AGBL1: variants seen among roughly 807,000 people sequenced by gnomAD.
AGBL1 encodes the protein cytosolic carboxypeptidase 4.
AGBL1 carries 130 observed loss-of-function variants against 118.9 expected under a neutral mutation model. The ratio of observed to expected loss-of-function variants is 1.09; its 90% CI spans 0.95 to 1.26. The LOEUF (loss-of-function observed/expected upper bound fraction) is 1.26. Among genes scored for constraint, AGBL1 ranks in the 50% most tolerant of loss-of-function variants. The pLI is 0.00. For synonymous variants in AGBL1, 555 were observed against 478.9 expected (o/e 1.16, Z -2.08); for missense variants, 1,584 against 1,298.1 (o/e 1.22, Z -3.38).
intron 18 of AGBL1, among the ~76,000 whole-genome samples, chr15:86,409,346 C>G (rs1316622257): frequency 2.6e-5 from 4 of 152,132 alleles, no homozygotes; most frequent in African/African-American, 9.7e-5. Context: ...AAATTATTTG[C>G]TCTGGGAACT....
At chr15:86,777,286 A>C (rs112766485) in intron 22 of AGBL1, among the ~76,000 whole-genome samples, 31 of 152,178 alleles carry the variant, frequency 2.0e-4, no homozygotes, top group African/African-American at 7.0e-4. Context: ...ACATTTCGTT[A>C]ATATTTATAA....
At chr15:86,340,802 C>T (rs1223687356) in intron 17 of AGBL1, among the ~76,000 whole-genome samples, 1 of 152,170 alleles carries the variant, frequency 6.6e-6, no homozygotes, top group Non-Finnish European at 1.5e-5. Context: ...CACTAATCCT[C>T]TGATGATCCC....
intron 17 of AGBL1, among the ~76,000 whole-genome samples, chr15:86,348,068 C>T (rs949403777): frequency 5.9e-5 from 9 of 152,106 alleles, no homozygotes; most frequent in Non-Finnish European, 1.0e-4. Flanking sequence ...CCAATTCACC[C>T]CTACTTCTCT....
chr15:86,887,505 C>T (rs1225329116), intron 22 of AGBL1, among the ~76,000 whole-genome samples: 4 of 152,162 alleles, frequency 2.6e-5, no homozygotes, highest in Admixed American at 6.6e-5. Flanking sequence ...TTCTGCTATG[C>T]TTTCATTTTA....
At chr15:86,492,636 G>T (rs1261499086) in intron 18 of AGBL1, among the ~76,000 whole-genome samples, 7 of 151,576 alleles carry the variant, frequency 4.6e-5, no homozygotes, top group Admixed American at 3.9e-4. Flanking sequence ...GAAACTGTAG[G>T]ATATGCTAGG....
chr15:86,874,381 G>GACACACACACACACAC lies in AGBL1; in HGVS notation c.3159-32693_3159-32678dup, dbSNP rs58756904. Among the ~76,000 whole-genome samples the GACACACACACACACAC allele has an allele frequency of 1.9e-3, 289 of 149,012 alleles. 1 individual carries two copies. Among genetic ancestry groups the GACACACACACACACAC allele is most frequent in the East Asian group, 4.8e-3 (24 of 5,016 alleles). ...CCTGCCCCAAGATTGTTGTGGGTGGGACACACACACACACACACACACACA... is the reference window on the plus strand; with the variant it reads ...CCTGCCCCAAGATTGTTGTGGGTGGGACACACACACACACACACACACACACACACACACACACACA... On this transcript the variant is annotated intron_variant, in intron 22 of 22. Coordinates refer to ENST00000614907, the MANE Select transcript of AGBL1 (RefSeq NM_001386094.1).
chr15:86,681,883 A>G (rs750144973), intron 22 of AGBL1, among the ~76,000 whole-genome samples: 1 of 152,140 alleles, frequency 6.6e-6, no homozygotes, highest in Non-Finnish European at 1.5e-5. Flanking sequence ...GTGCCCTACT[A>G]ATGTCTATGG....
chr15:86,608,351 T>G (rs1237686435), intron 21 of AGBL1, among the ~76,000 whole-genome samples: 1 of 152,226 alleles, frequency 6.6e-6, no homozygotes, highest in African/African-American at 2.4e-5. Context: ...CTGCTCTTTG[T>G]CCTTTTCCCC....
intron 22 of AGBL1, among the ~76,000 whole-genome samples, chr15:86,847,214 C>A (rs1216755261): frequency 6.6e-6 from 1 of 152,110 alleles, no homozygotes; most frequent in Non-Finnish European, 1.5e-5. Context: ...ATAATGGCTA[C>A]TTTGAAGTCT....
downstream of AGBL1, among the ~76,000 whole-genome samples, chr15:86,919,755 A>G (rs983205400): frequency 1.3e-5 from 2 of 152,240 alleles, no homozygotes; most frequent in African/African-American, 4.8e-5. Flanking sequence ...AAGCTCTCTC[A>G]CGATGTTTTA....
chr15:86,361,712 T>A (rs187952146), intron 17 of AGBL1, among the ~76,000 whole-genome samples: 15 of 152,288 alleles, frequency 9.8e-5, no homozygotes, highest in African/African-American at 3.4e-4. Context: ...TTTGTGTTTT[T>A]TGACAATATT....
chr15:86,936,056 C>G (rs4887521), intron 23 of AGBL1, among the ~76,000 whole-genome samples: 108,819 of 152,130 alleles, frequency 0.72, 40,010 homozygotes, highest in South Asian at 0.9. Flanking sequence ...AGCAGAGCGG[C>G]CGAGGATGGG....
chr15:86,792,027 C>T (rs1450179604), intron 22 of AGBL1, among the ~76,000 whole-genome samples: 1 of 152,168 alleles, frequency 6.6e-6, no homozygotes, highest in Non-Finnish European at 1.5e-5. Context: ...TGAGCCACTG[C>T]ACCGGCCTGT....
chr15:86,770,138 A>G (rs1198866890), intron 22 of AGBL1, among the ~76,000 whole-genome samples: 2 of 152,008 alleles, frequency 1.3e-5, no homozygotes, highest in Non-Finnish European at 2.9e-5. Context: ...TTATAAATGA[A>G]AAACTAAACA....
At chr15:86,289,310 A>T (rs1462837019) in intron 16 of AGBL1, among the ~76,000 whole-genome samples, 1 of 151,662 alleles carries the variant, frequency 6.6e-6, no homozygotes, top group East Asian at 1.9e-4. Flanking sequence ...TTTTTTTCTT[A>T]TGCAATGTGG....
chr15:86,537,702 T>G (rs2083444556), intron 19 of AGBL1, among the ~76,000 whole-genome samples: 1 of 152,208 alleles, frequency 6.6e-6, no homozygotes, highest in Admixed American at 6.5e-5. Flanking sequence ...CCACACTGAT[T>G]AGAGTTTGAG....
At chr15:86,777,724 G>C (rs1318251180) in intron 22 of AGBL1, among the ~76,000 whole-genome samples, 1 of 151,950 alleles carries the variant, frequency 6.6e-6, no homozygotes, top group Non-Finnish European at 1.5e-5. Context: ...GTTTCATCTT[G>C]AAACTAATTG....
chr15:86,733,569 TAAG>T (rs2077555822), intron 22 of AGBL1, among the ~76,000 whole-genome samples: 2 of 152,200 alleles, frequency 1.3e-5, no homozygotes. Flanking sequence ...AACTATAATA[TAAG>T]CATTAACTAC....
intron 19 of AGBL1, among the ~76,000 whole-genome samples, chr15:86,532,138 G>A (rs62015296): frequency 0.3 from 45,108 of 148,580 alleles, 7,831 homozygotes; most frequent in East Asian, 0.56. Flanking sequence ...GGAAATAAGG[G>A]GTATTCAATT....
Sources: gnomAD v4.1 joint callset for allele counts (sites outside exome capture counted in the v4.1 genomes callset) on GRCh38, gnomAD v4.1.1 for gene constraint, MANE v1.5 for transcripts, NCBI Gene and HGNC (gene_info 2026-07-23, HGNC 2026-07-21) for gene names.